The following CDH12 variants were observed in gnomAD, a reference collection of about 807,000 sequenced individuals.
The protein encoded by CDH12 is cadherin 12, also known as cadherin-12.
In CDH12, 41 loss-of-function variants were observed where a neutral mutation model predicts 74.1. That is an observed-to-expected ratio of 0.55 (90% CI 0.43 to 0.72). CDH12 has a LOEUF of 0.72. CDH12 is among the 30% of genes least tolerant of loss of function. The pLI is 0.00. For missense variants in CDH12, 945 were observed against 977.2 expected, an observed-to-expected ratio of 0.97 and a Z score of 0.44; for synonymous variants, 399 against 355.0, an observed-to-expected ratio of 1.12 and a Z score of -1.39.
intron 2 of CDH12, among the ~76,000 whole-genome samples, chr5:22,439,091 G>A (rs1744519954): frequency 6.6e-6 from 1 of 151,732 alleles, no homozygotes; most frequent in African/African-American, 2.4e-5. Flanking sequence ...GATCATCATG[G>A]ACAGGCCAAA....
At chr5:22,053,256 T>C (rs1232740846) in intron 5 of CDH12, among the ~76,000 whole-genome samples, 2 of 152,132 alleles carry the variant, frequency 1.3e-5, no homozygotes, top group Non-Finnish European at 2.9e-5. Flanking sequence ...GTAATTGTGA[T>C]GTCCTTCTTC....
intron 1 of CDH12, among the ~76,000 whole-genome samples, chr5:22,651,393 G>A (rs1487627795): frequency 6.6e-6 from 1 of 152,096 alleles, no homozygotes; most frequent in East Asian, 1.9e-4. Flanking sequence ...GCATGGCTGG[G>A]GAGGCCTCAG....
At chr5:22,274,933 T>G (rs1011397423) in intron 3 of CDH12, among the ~76,000 whole-genome samples, 2 of 152,198 alleles carry the variant, frequency 1.3e-5, no homozygotes, top group East Asian at 1.9e-4. Context: ...TAATAACAGA[T>G]AGCCAACCTT....
intron 1 of CDH12, among the ~76,000 whole-genome samples, chr5:22,528,743 T>G (rs1737400758): frequency 6.6e-6 from 1 of 152,114 alleles, no homozygotes; most frequent in African/African-American, 2.4e-5. Flanking sequence ...AAGTACCAAT[T>G]TCTTTGACTC....
chr5:21,873,387 A>T (rs1751750978), intron 6 of CDH12, among the ~76,000 whole-genome samples: 1 of 152,126 alleles, frequency 6.6e-6, no homozygotes, highest in Non-Finnish European at 1.5e-5. Flanking sequence ...TATGCTGGGA[A>T]CTTCTAGAAA....
intron 1 of CDH12, among the ~76,000 whole-genome samples, chr5:22,569,933 C>A (rs1238966260): frequency 1.3e-5 from 2 of 152,164 alleles, no homozygotes; most frequent in African/African-American, 4.8e-5. Context: ...ATGACATCAA[C>A]AATGGTGAAT....
chr5:22,422,620 A>AT lies in CDH12; in HGVS notation c.-427-17270dup, dbSNP rs560720031. 1.3e-3 allele frequency among the ~76,000 whole-genome samples: 199 copies of AT among 152,232 alleles called. 1 individual carries two copies. The highest frequency in any genetic ancestry group is 4.3e-3 in the African/African-American group (178 of 41,546). ...ATATTACCATGGATCTAATAAAAAG[A>AT]TTTTTTTATATATTGAGAACCTGGC... On this transcript the variant is annotated intron_variant, in intron 2 of 14. Transcript: ENST00000382254.
At chr5:22,110,277 CCTT>C (rs1212541095) in intron 4 of CDH12, among the ~76,000 whole-genome samples, 1 of 152,108 alleles carries the variant, frequency 6.6e-6, no homozygotes, top group East Asian at 1.9e-4. Flanking sequence ...ATTTAGGGGT[CCTT>C]CTTCAGGGTG....
intron 3 of CDH12, among the ~76,000 whole-genome samples, chr5:22,268,653 C>CCTA (rs1389055497): frequency 2.6e-5 from 4 of 151,800 alleles, no homozygotes; most frequent in African/African-American, 9.7e-5. Flanking sequence ...TGATTCAAAC[C>CCTA]CTACACTGTG....
chr5:22,213,632 C>T (rs1301454249), intron 3 of CDH12: 2 of 152,136 alleles, frequency 1.3e-5, no homozygotes, highest in Non-Finnish European at 2.9e-5. Context: ...GTTCCTAGTT[C>T]CCTGAAGAGA....
chr5:22,057,572 T>G (rs1740829129), intron 5 of CDH12, among the ~76,000 whole-genome samples: 1 of 152,154 alleles, frequency 6.6e-6, no homozygotes. Flanking sequence ...GAGTGAACTC[T>G]GTGGAGCCTG....
At chr5:22,073,932 C>G (rs953571042) in intron 5 of CDH12, among the ~76,000 whole-genome samples, 5 of 152,088 alleles carry the variant, frequency 3.3e-5, no homozygotes, top group Non-Finnish European at 5.9e-5. Flanking sequence ...TCCACATACG[C>G]TCTTTCTACC....
At chr5:22,548,626 G>T (rs1738432436) in intron 1 of CDH12, among the ~76,000 whole-genome samples, 1 of 152,000 alleles carries the variant, frequency 6.6e-6, no homozygotes, top group African/African-American at 2.4e-5. Flanking sequence ...GCCACAGAAG[G>T]GAGTCTCCGT....
At chr5:22,218,134 C>T (rs993199117) in intron 3 of CDH12, among the ~76,000 whole-genome samples, 1 of 151,678 alleles carries the variant, frequency 6.6e-6, no homozygotes, top group Non-Finnish European at 1.5e-5. Flanking sequence ...AACCCTAAAA[C>T]ACTGTTCATG....
intron 2 of CDH12, among the ~76,000 whole-genome samples, chr5:22,497,101 A>G (rs1278928948): frequency 6.6e-6 from 1 of 152,206 alleles, no homozygotes; most frequent in Non-Finnish European, 1.5e-5. Context: ...AGGATTAATT[A>G]AACAACATAA....
intron 5 of CDH12, among the ~76,000 whole-genome samples, chr5:22,034,632 A>G (rs746271518): frequency 1.3e-5 from 2 of 152,222 alleles, no homozygotes; most frequent in Admixed American, 1.3e-4. Context: ...AGAATAGGAC[A>G]CTATTCACAG....
intron 1 of CDH12, among the ~76,000 whole-genome samples, chr5:22,737,443 C>T (rs914457750): frequency 2.0e-5 from 3 of 151,764 alleles, no homozygotes; most frequent in African/African-American, 7.3e-5. Context: ...GCTTTCTTTA[C>T]TGATTTAACT....
At chr5:21,994,550 G>T (rs187289157) in intron 5 of CDH12, among the ~76,000 whole-genome samples, 11 of 152,116 alleles carry the variant, frequency 7.2e-5, no homozygotes, top group African/African-American at 2.7e-4. Flanking sequence ...TCACAGATTT[G>T]GAACAAGTTC....
At chr5:22,321,304 C>T (rs534404771) in intron 3 of CDH12, among the ~76,000 whole-genome samples, 2 of 148,990 alleles carry the variant, frequency 1.3e-5, no homozygotes, top group East Asian at 3.9e-4. Context: ...CCATGGAATA[C>T]TATGCAGCCA....
Sources: gnomAD v4.1 joint callset for allele counts (sites outside exome capture counted in the v4.1 genomes callset) on GRCh38, gnomAD v4.1.1 for gene constraint, MANE v1.5 for transcripts, NCBI Gene and HGNC (gene_info 2026-07-23, HGNC 2026-07-21) for gene names.